The following VWF variants were observed in gnomAD, a reference collection of about 807,000 sequenced individuals.
VWF encodes von Willebrand factor, also known as Factor VIII related antigen.
In VWF, 176 loss-of-function variants were observed where a neutral mutation model predicts 308.6. That is an observed-to-expected ratio of 0.57 (90% CI 0.50 to 0.65). VWF has a LOEUF of 0.65. Among genes scored for constraint, VWF ranks in the 30% least tolerant of loss-of-function variants. The pLI is 0.00. For synonymous variants in VWF, 1,385 were observed against 1,443.4 expected (o/e 0.96, Z 0.92); for missense variants, 3,146 against 3,648.2 (o/e 0.86, Z 3.55).
At chr12:6,045,140 C>G (rs961114916) in intron 17 of VWF, among the ~76,000 whole-genome samples, 2 of 152,214 alleles carry the variant, frequency 1.3e-5, no homozygotes, top group Admixed American at 6.5e-5. Flanking sequence ...CTACTTTGCG[C>G]ATTGACATAT....
chr12:5,949,990 A>G, intron 50 of VWF, 107 bp from the exon 51 acceptor site: 1 of 1,007,212 alleles, frequency 9.9e-7, no homozygotes, highest in Non-Finnish European at 1.5e-6. Flanking sequence ...TTTCACAGTA[A>G]CCAAATAAAG....
chr12:5,990,581 C>T (rs1475047754), intron 38 of VWF, among the ~76,000 whole-genome samples: 1 of 152,072 alleles, frequency 6.6e-6, no homozygotes, highest in Non-Finnish European at 1.5e-5. Context: ...GCGATGAAGA[C>T]ATTAGGTCTT....
intron 47 of VWF, among the ~76,000 whole-genome samples, chr12:5,954,077 C>G (rs899634713): frequency 1.3e-5 from 2 of 152,152 alleles, no homozygotes. Context: ...AAAAATGTAT[C>G]TCAAACTCAT....
Position 6,046,805 on chromosome 12 carries a change from A to C in VWF, c.2199T>G (p.Asp733Glu). ...CACTCATGGTACAGTGCATGAAGCC[A>C]TCCTCACAGTAGCTGCAGAGAAGAA... ...SDHHTMCYCE[D>E]GFMHCTMSGV... The change falls in exon 17 of 52, where the codon GAT becomes GAG. Residue 733 changes from aspartate (D) to glutamate (E), a missense_variant. Physicochemically the swap from Asp to Glu is conservative, Grantham distance 45. This residue lies in a region of VWF where 1,304 missense variants were observed against 1,353.0 expected (regional missense o/e 0.96). Transcript: ENST00000261405. This position sits in a 1 kb window ranked among gnomAD's most constrained non-coding sequence, Gnocchi z 5.0. 1 of 1,614,064 alleles carries C rather than the reference A, an allele frequency of 6.2e-7. No individual in the cohort carries two copies. The highest frequency in any genetic ancestry group is 8.5e-7 in the Non-Finnish European group (1 of 1,180,016).
At chr12:6,097,077 C>T (rs1242312842) in intron 5 of VWF, among the ~76,000 whole-genome samples, 2 of 152,094 alleles carry the variant, frequency 1.3e-5, no homozygotes, top group Non-Finnish European at 2.9e-5. Flanking sequence ...AGTTAGGGAT[C>T]TTGAGAGGAA....
chr12:5,982,092 T>A, intron 41 of VWF, 101 bp from the exon 42 acceptor site: 1 of 1,159,582 alleles, frequency 8.6e-7, no homozygotes, highest in Non-Finnish European at 1.3e-6. Context: ...CTCAGAAGAT[T>A]AAGTCAGAAA....
At chr12:6,008,216 A>G (rs1284301670) in intron 34 of VWF, among the ~76,000 whole-genome samples, 1 of 99,292 alleles carries the variant, frequency 1.0e-5, no homozygotes, top group African/African-American at 4.1e-5. Flanking sequence ...AAGACTTTAC[A>G]TTAAAAAAAA....
At chr12:5,961,183 C>G (rs945039043) in intron 47 of VWF, among the ~76,000 whole-genome samples, 1 of 152,170 alleles carries the variant, frequency 6.6e-6, no homozygotes. Context: ...ACTGATTCTA[C>G]CTTATGGGAG....
intron 19 of VWF, 69 bp downstream of exon 19, chr12:6,036,319 G>A: frequency 1.4e-6 from 2 of 1,442,792 alleles, no homozygotes; most frequent in South Asian, 1.1e-5. Context: ...GGAAGGTCCT[G>A]TGGCCGCGTG....
At chr12:6,032,538 C>T (rs147533946) in intron 20 of VWF, among the ~76,000 whole-genome samples, 1,881 of 137,178 alleles carry the variant, frequency 0.014, 40 homozygotes, top group African/African-American at 0.046. Flanking sequence ...CTAGGGAGGC[C>T]GAGGCAGGAG....
At chr12:6,114,629 T>A (rs1945344600) in intron 3 of VWF, among the ~76,000 whole-genome samples, 1 of 152,082 alleles carries the variant, frequency 6.6e-6, no homozygotes, top group Non-Finnish European at 1.5e-5. Context: ...ACAGAGCTAG[T>A]CAGTGATGAA....
At position 6,004,759 on chromosome 12, in the gene VWF, C is replaced by A. The variant is rs187889869; in HGVS notation, c.5842+6858G>T. Among the ~76,000 whole-genome samples, 210 of 150,918 alleles carry A rather than the reference C, an allele frequency of 1.4e-3. 2 individuals carry two copies. The highest frequency in any genetic ancestry group is 4.8e-3 in the African/African-American group (199 of 41,196). On this transcript the variant is annotated intron_variant, in intron 34 of 51. Transcript: ENST00000261405. ...ATGTTATATATATTGATATCAATAC[C>A]CTTTATATACACAAATAATAAGTAG...
Position 6,103,513 on chromosome 12 carries a change from TAC to T in VWF, c.532+6859_532+6860del, listed in dbSNP as rs200637022. Among the ~76,000 whole-genome samples the T allele has an allele frequency of 2.2e-4, 30 of 135,186 alleles. 1 individual carries two copies. The highest frequency in any genetic ancestry group is 8.4e-4 in the African/African-American group (27 of 32,068). The allele number at this position is 135,186 out of a possible 152,430, so 88.7% of individuals were successfully genotyped here. On this transcript the variant is annotated intron_variant, in intron 5 of 51. Transcript: ENST00000261405. ...ATGTGTATACACACACGTATATATA[TAC>T]ACACATATGTGTATATACACATATA...
Position 5,969,216 on chromosome 12 carries a change from C to T in VWF, c.7724G>A (p.Arg2575His), listed in dbSNP as rs373321657. 3.0e-5 allele frequency: 48 copies of T among 1,612,504 alleles called. No individual in the cohort carries two copies. The highest frequency in any genetic ancestry group is 2.8e-4 in the Admixed American group (17 of 59,746). ...CCCCAGCCTGCATGCCTTACCACAGCGACAGCTTGGGCAGCACGCTGAGGT... is the reference window on the plus strand; with the variant it reads ...CCCCAGCCTGCATGCCTTACCACAGTGACAGCTTGGGCAGCACGCTGAGGT... ...CKTSACCPSCRCERMEACMLN... is the reference protein window; with the variant it reads ...CKTSACCPSCHCERMEACMLN... Residue 2575 changes from arginine to histidine, a missense_variant, in exon 45 of 52, where the codon CGC becomes CAC. This residue lies in a region of VWF where 989 missense variants were observed against 1,117.4 expected (regional missense o/e 0.89). Transcript: ENST00000261405.
chr12:6,030,081 C>T (rs1229252357), intron 21 of VWF, among the ~76,000 whole-genome samples: 2 of 152,186 alleles, frequency 1.3e-5, no homozygotes, highest in African/African-American at 4.8e-5. Context: ...CCTGCCAGTG[C>T]TGTACCCTGG....
At chr12:6,096,108 G>GATGC (rs1945102969) in intron 5 of VWF, 1 of 56,278 alleles carries the variant, frequency 1.8e-5, no homozygotes. Flanking sequence ...TGGATGGATA[G>GATGC]ATGGATGGAT....
intron 38 of VWF, among the ~76,000 whole-genome samples, chr12:5,991,195 ACACACACACACG>A (rs902199550): frequency 1.7e-4 from 24 of 138,902 alleles, no homozygotes; most frequent in East Asian, 7.4e-4. Context: ...ACACACACAC[ACACACACACACG>A]CATGCACACA....
rs1240823988 is a variant in VWF, at chr12:6,011,758, T to C, written c.5701A>G (p.Thr1901Ala). The C allele has an allele frequency of 1.2e-6, 2 of 1,613,402 alleles. No homozygotes were observed. Among genetic ancestry groups the C allele is most frequent in the South Asian group, 1.1e-5 (1 of 90,966 alleles). ...DVWTLPDQCH[T>A]VTCQPDGQTL... is the part of the protein sequence containing the mutation. ...TGGCCATCTGGCTGGCAAGTCACGG[T>C]GTGGCACTGGTCTGGCAAGGTCCAG... The change falls in exon 34 of 52, where the codon ACC becomes GCC. Residue 1901 changes from threonine (T) to alanine (A), a missense_variant. Thr to Ala is a moderately conservative substitution (Grantham distance 58). Coordinates refer to ENST00000261405, the MANE Select transcript of VWF (RefSeq NM_000552.5).
rs1232725133 is a variant in VWF, at chr12:6,015,600, GC to G, written c.5455+488del. ...AGCACATGTTCTTATGGAGCACAAG[GC>G]TGGACATCTGGATCCTTCCCTTTCC... On this transcript the variant is annotated intron_variant, in intron 31 of 51. Transcript: ENST00000261405. Among the ~76,000 whole-genome samples the G allele has an allele frequency of 2.0e-5, 3 of 151,902 alleles. No homozygotes were observed. The East Asian group carries it at 5.8e-4, about 29-fold the overall frequency.
Sources: gnomAD v4.1 joint callset for allele counts (sites outside exome capture counted in the v4.1 genomes callset) on GRCh38, gnomAD v4.1.1 for gene constraint, gnomAD v4.1.1 regional missense constraint, Gnocchi (gnomAD v3.1) non-coding constraint, MANE v1.5 for transcripts, NCBI Gene and HGNC (gene_info 2026-07-23, HGNC 2026-07-21) for gene names.